TBC1D8: variants seen among roughly 807,000 people sequenced by gnomAD.
TBC1D8 encodes BUB2-like protein 1.
Under a neutral mutation model 118.8 loss-of-function variants are expected in TBC1D8, and 65 were observed. The ratio of observed to expected loss-of-function variants is 0.55; its 90% CI spans 0.45 to 0.67. The LOEUF (loss-of-function observed/expected upper bound fraction) is 0.67. TBC1D8 is among the 30% of genes least tolerant of loss of function. The probability of loss-of-function intolerance (pLI) is 0.00; values close to 1 mark genes in which losing one functional copy is unlikely to be tolerated. For missense variants in TBC1D8, 1,376 were observed against 1,471.2 expected, an observed-to-expected ratio of 0.94 and a Z score of 1.06; for synonymous variants, 566 against 595.8, an observed-to-expected ratio of 0.95 and a Z score of 0.73.
chr2:101,103,698 C>G (rs1677023473), intron 1 of TBC1D8, among the ~76,000 whole-genome samples: 1 of 152,074 alleles, frequency 6.6e-6, no homozygotes, highest in African/African-American at 2.4e-5. Flanking sequence ...GGCCAGAACT[C>G]TTTAACTTGA....
At position 101,087,213 on chromosome 2, in the gene TBC1D8, C is replaced by A. The variant is rs542171840; in HGVS notation, c.283+2996G>T. Among the ~76,000 whole-genome samples the A allele has an allele frequency of 9.2e-5, 14 of 152,294 alleles. No homozygotes were observed. In the East Asian group the frequency reaches 2.3e-3, roughly 25 times the overall value. On this transcript the variant is annotated intron_variant, in intron 2 of 19. Coordinates refer to ENST00000409318, the MANE Select transcript of TBC1D8 (RefSeq NM_001330348.2). ...TCTAGAGCATAGCCTCAAACTATCA[C>A]CCAGCCAAAGTGTCACTCAAGTCCA... is the stretch of plus-strand genomic sequence containing the variant.
intron 5 of TBC1D8, among the ~76,000 whole-genome samples, chr2:101,045,746 C>T (rs902153559): frequency 4.6e-5 from 7 of 152,274 alleles, no homozygotes; most frequent in Admixed American, 2.6e-4. Context: ...GTCATCCCAG[C>T]GCTTTGGGAG....
intron 5 of TBC1D8, among the ~76,000 whole-genome samples, chr2:101,046,389 C>T (rs1039456502): frequency 2.0e-5 from 3 of 152,222 alleles, no homozygotes; most frequent in Non-Finnish European, 2.9e-5. Context: ...GAAAAAGGCT[C>T]ATCCCTCCAT....
intron 2 of TBC1D8, among the ~76,000 whole-genome samples, chr2:101,073,107 G>A (rs769283499): frequency 1.3e-5 from 2 of 151,338 alleles, no homozygotes; most frequent in Non-Finnish European, 2.9e-5. Context: ...AATGGTCAGT[G>A]AGTACTGGCT....
chr2:101,059,154 G>C (rs1031104424), intron 3 of TBC1D8, among the ~76,000 whole-genome samples: 2 of 150,810 alleles, frequency 1.3e-5, no homozygotes, highest in Admixed American at 6.6e-5. Flanking sequence ...TGATCTGCCT[G>C]CCTCGGCCTC....
chr2:101,052,009 T>C (rs1264083172), intron 4 of TBC1D8, among the ~76,000 whole-genome samples: 1 of 152,248 alleles, frequency 6.6e-6, no homozygotes, highest in Non-Finnish European at 1.5e-5. Context: ...AGGAACACTA[T>C]TCTGAAATAC....
intron 1 of TBC1D8, among the ~76,000 whole-genome samples, chr2:101,097,978 C>A (rs1186541970): frequency 6.6e-6 from 1 of 152,014 alleles, no homozygotes; most frequent in Non-Finnish European, 1.5e-5. Flanking sequence ...ACAACTACTA[C>A]AAATTTTTTT....
chr2:101,103,470 C>G lies in TBC1D8; in HGVS notation c.128-13106G>C, dbSNP rs1290833026. Among the ~76,000 whole-genome samples the G allele has an allele frequency of 1.3e-5, 2 of 151,400 alleles. 1 individual carries two copies. Among genetic ancestry groups the G allele is most frequent in the South Asian group, 4.2e-4 (2 of 4,796 alleles). ...GCAGTGGCACTATCTCGGCTCACTG[C>G]AAGCTCCGCCTCCCAGGTTCATGCC... On this transcript the variant is annotated intron_variant, in intron 1 of 19. Transcript: ENST00000409318.
intron 2 of TBC1D8, among the ~76,000 whole-genome samples, chr2:101,082,014 C>T (rs1347954601): frequency 1.3e-5 from 2 of 152,114 alleles, no homozygotes; most frequent in South Asian, 2.1e-4. Context: ...TGGCAGGCAC[C>T]GGTAATCCCA....
At position 101,059,543 on chromosome 2, in the gene TBC1D8, GA is replaced by G; in HGVS notation, c.284-5del. Reference sequence around the variant, plus strand: ...TTGATTTCCTCTAATGTTGCACCTGGATTCAAACAGAAAAAGATACAGAGAT... The same window carrying G: ...TTGATTTCCTCTAATGTTGCACCTGGTTCAAACAGAAAAAGATACAGAGAT... On this transcript the variant is annotated splice_polypyrimidine_tract_variant and splice_region_variant and intron_variant, in intron 2 of 19. Transcript: ENST00000409318. 6.3e-7 allele frequency: 1 copy of G among 1,597,756 alleles called. No individual in the cohort carries two copies. Among genetic ancestry groups the G allele is most frequent in the South Asian group, 1.1e-5 (1 of 89,868 alleles).
chr2:101,147,788 G>A (rs1427959729), intron 1 of TBC1D8, among the ~76,000 whole-genome samples: 1 of 152,132 alleles, frequency 6.6e-6, no homozygotes, highest in Non-Finnish European at 1.5e-5. Context: ...CAGCAATGTT[G>A]TGTGTTCTTT....
chr2:101,028,894 G>A (rs1680507628), intron 12 of TBC1D8, among the ~76,000 whole-genome samples: 3 of 152,198 alleles, frequency 2.0e-5, no homozygotes, highest in Admixed American at 2.0e-4. Context: ...CCCGAGCCCT[G>A]TTCAAGGCCA....
intron 19 of TBC1D8, among the ~76,000 whole-genome samples, chr2:101,009,385 G>A (rs1295577356): frequency 2.1e-5 from 3 of 143,962 alleles, no homozygotes; most frequent in African/African-American, 5.2e-5. Flanking sequence ...TAGCCTGGGC[G>A]ACAGAGTGAG....
chr2:101,069,180 C>G (rs901131279), intron 2 of TBC1D8, among the ~76,000 whole-genome samples: 1 of 151,056 alleles, frequency 6.6e-6, no homozygotes, highest in African/African-American at 2.4e-5. Context: ...CACCTGTAGT[C>G]TACTCGGGAG....
intron 17 of TBC1D8, chr2:101,019,007 T>C (rs1553398215): frequency 1.2e-6 from 2 of 1,612,720 alleles, no homozygotes; most frequent in South Asian, 2.2e-5. Context: ...GTTTCTGTGC[T>C]AAACAGTGTT....
At chr2:101,071,284 G>C (rs1229105351) in intron 2 of TBC1D8, among the ~76,000 whole-genome samples, 1 of 152,172 alleles carries the variant, frequency 6.6e-6, no homozygotes, top group African/African-American at 2.4e-5. Flanking sequence ...GGCGGAGCTT[G>C]CAGTGAGCCG....
chr2:101,130,679 A>G (rs566937204), intron 1 of TBC1D8, among the ~76,000 whole-genome samples: 123 of 152,368 alleles, frequency 8.1e-4, no homozygotes, highest in African/African-American at 2.9e-3. Context: ...AAGGATTGGC[A>G]GTGCATATTT....
chr2:101,104,370 T>C (rs1677062237), intron 1 of TBC1D8, among the ~76,000 whole-genome samples: 1 of 152,192 alleles, frequency 6.6e-6, no homozygotes, highest in African/African-American at 2.4e-5. Flanking sequence ...ATTCTAAAGT[T>C]GATATAAAAA....
In TBC1D8 at chr2:101,054,657, A is replaced by C. The variant is rs1167614561; in HGVS notation, c.403-321T>G. The stretch of plus-strand genomic sequence containing the variant: ...AAGCCCGGTTCTCAAACAAACAATC[A>C]TTTTCTTTTCTTTTCTTTTTTTTTT... On this transcript the variant is annotated intron_variant, in intron 3 of 19. Transcript: ENST00000409318. Among the ~76,000 whole-genome samples, 3 of 46,730 alleles carry C rather than the reference A, an allele frequency of 6.4e-5. No individual in the cohort carries two copies. In the Admixed American group the frequency reaches 1.1e-3, roughly 17 times the overall value. The allele number at this position is 46,730 out of a possible 152,430, so 30.7% of individuals were successfully genotyped here. A position where few individuals can be genotyped will look rare whatever the true frequency, so the allele number is the denominator to read the frequency against.
Sources: allele counts gnomAD v4.1 joint callset (sites outside exome capture counted in the v4.1 genomes callset), GRCh38; gene constraint gnomAD v4.1.1; transcripts MANE v1.5; gene names NCBI Gene and HGNC (gene_info 2026-07-23, HGNC 2026-07-21).